Variants in NRXN3 observed in about 807,000 individuals in gnomAD.
The protein encoded by NRXN3 is neurexin 3, also known as neurexin III.
A neutral mutation model predicts 137.6 loss-of-function variants in NRXN3; 32 were observed. The ratio of observed to expected loss-of-function variants is 0.23; its 90% CI spans 0.18 to 0.31. The LOEUF (loss-of-function observed/expected upper bound fraction) is 0.31, where lower values mean the gene tolerates loss of function less well. Ranked by LOEUF, NRXN3 falls within the 10% of genes least tolerant of loss-of-function variation. The pLI, the probability that NRXN3 is intolerant of heterozygous loss-of-function variation, is 1.00. For missense variants in NRXN3, 1,574 were observed against 2,062.5 expected, an observed-to-expected ratio of 0.76 and a Z score of 4.59; for synonymous variants, 798 against 784.5, an observed-to-expected ratio of 1.02 and a Z score of -0.29.
At chr14:79,781,964 C>T (rs2099115300) in intron 19 of NRXN3, among the ~76,000 whole-genome samples, 1 of 152,152 alleles carries the variant, frequency 6.6e-6, no homozygotes, top group African/African-American at 2.4e-5. Context: ...CTTTTAACTG[C>T]CTCGATGTAG....
rs2099132059 is a variant in NRXN3, at chr14:79,787,259, T to C, written c.4015-17853T>C. 2.0e-5 allele frequency among the ~76,000 whole-genome samples: 3 copies of C among 152,218 alleles called. No homozygotes were observed. In the South Asian group the frequency reaches 6.2e-4, roughly 32 times the overall value. ...AACTCCTGTTCTTTTTTTAAAGTTT[T>C]ATTTTTAACTGACAAATTAATAATT... On this transcript the variant is annotated intron_variant, in intron 19 of 20. Transcript: ENST00000335750.
Position 78,988,037 on chromosome 14 carries a change from G to A in NRXN3, c.3158G>A (p.Cys1053Tyr), listed in dbSNP as rs1387777651. 6.2e-7 allele frequency: 1 copy of A among 1,613,566 alleles called. No homozygotes were observed. The highest frequency in any genetic ancestry group is 1.3e-5 in the African/African-American group (1 of 74,844). ...GCATTACTAGGACCCAGTACCACCT[G>A]CCAGGAAGATTCATGTGCCAACCAG... is the stretch of plus-strand genomic sequence containing the variant. Reference protein sequence around the residue: ...ERGCEGPSTTCQEDSCANQGV... With the variant: ...ERGCEGPSTTYQEDSCANQGV... The change falls in exon 15 of 21, where the codon TGC (cysteine) becomes TAC (tyrosine). Residue 1053 changes from cysteine to tyrosine, a missense_variant. This residue lies in a region of NRXN3 where 718 missense variants were observed against 887.6 expected (regional missense o/e 0.81). Coordinates refer to ENST00000335750, the MANE Select transcript of NRXN3 (RefSeq NM_001330195.2).
At position 78,746,212 on chromosome 14, in the gene NRXN3, G is replaced by A. The variant is rs145572405; in HGVS notation, c.2044+31073G>A. On this transcript the variant is annotated intron_variant, in intron 8 of 20. Coordinates refer to ENST00000335750, the MANE Select transcript of NRXN3 (RefSeq NM_001330195.2). The stretch of plus-strand genomic sequence containing the variant: ...AAAGGCTGCTAATGTTCTCTAAGCT[G>A]TAAGTAGATTTTTGCCCACATTTAT... Among the ~76,000 whole-genome samples the A allele has an allele frequency of 5.8e-3, 889 of 152,284 alleles. 12 individuals are homozygous for A. Among genetic ancestry groups the A allele is most frequent in the African/African-American group, 0.019 (787 of 41,568 alleles).
chr14:78,244,284 G>A (rs1402082198), intron 2 of NRXN3, among the ~76,000 whole-genome samples: 1 of 152,112 alleles, frequency 6.6e-6, no homozygotes, highest in Admixed American at 6.5e-5. Context: ...ACAAAAATTA[G>A]CTGGGCATGG....
intron 16 of NRXN3, among the ~76,000 whole-genome samples, chr14:79,652,336 C>T (rs1438408193): frequency 2.0e-5 from 3 of 152,168 alleles, no homozygotes; most frequent in African/African-American, 7.2e-5. Flanking sequence ...AATGTTTGTG[C>T]CCTTTAAATG....
chr14:79,198,543 C>T (rs142142854), intron 15 of NRXN3, among the ~76,000 whole-genome samples: 10 of 152,300 alleles, frequency 6.6e-5, no homozygotes, highest in Non-Finnish European at 1.2e-4. Context: ...ATGTGCATTA[C>T]TCTTAATGCT....
intron 10 of NRXN3, among the ~76,000 whole-genome samples, chr14:78,843,456 A>G (rs1302657183): frequency 6.6e-6 from 1 of 152,170 alleles, no homozygotes; most frequent in Non-Finnish European, 1.5e-5. Flanking sequence ...TTTATTCAAC[A>G]CATATTTATT....
intron 10 of NRXN3, among the ~76,000 whole-genome samples, chr14:78,909,285 G>A (rs2099229319): frequency 6.6e-6 from 1 of 152,184 alleles, no homozygotes; most frequent in African/African-American, 2.4e-5. Context: ...CCAAGAGCAG[G>A]AAGTGGTCCA....
intron 8 of NRXN3, among the ~76,000 whole-genome samples, chr14:78,725,543 C>A (rs1174975688): frequency 2.6e-5 from 4 of 152,242 alleles, no homozygotes; most frequent in Non-Finnish European, 4.4e-5. Context: ...AACCTAGCAT[C>A]TTCAGCCACT....
At position 78,295,621 on chromosome 14, in the gene NRXN3, G is replaced by C. The variant is rs550943172; in HGVS notation, c.728-2210G>C. ...GTAGCTCTCAAGTTCCAGTAAGCAT[G>C]GGAATCACTTGGGCAACTTGTTTAA... On this transcript the variant is annotated intron_variant, in intron 3 of 20. Coordinates refer to ENST00000335750, the MANE Select transcript of NRXN3 (RefSeq NM_001330195.2). Among the ~76,000 whole-genome samples the C allele has an allele frequency of 2.2e-3, 331 of 152,222 alleles. 1 individual carries two copies. The highest frequency in any genetic ancestry group is 3.7e-3 in the Non-Finnish European group (251 of 68,002).
At chr14:78,339,545 A>G (rs147715278) in intron 4 of NRXN3, among the ~76,000 whole-genome samples, 66 of 152,238 alleles carry the variant, frequency 4.3e-4, no homozygotes, top group African/African-American at 1.4e-3. Context: ...GTGAGGAGAA[A>G]AAATAGCTTT....
chr14:79,141,615 T>G (rs1370018615), intron 15 of NRXN3, among the ~76,000 whole-genome samples: 2 of 152,184 alleles, frequency 1.3e-5, no homozygotes, highest in East Asian at 3.9e-4. Flanking sequence ...AGAACTCCAG[T>G]CTTTTAGGCC....
intron 19 of NRXN3, among the ~76,000 whole-genome samples, chr14:79,716,981 T>C (rs757320636): frequency 2.6e-5 from 4 of 152,198 alleles, no homozygotes; most frequent in Non-Finnish European, 5.9e-5. Flanking sequence ...CTTCACTCTT[T>C]AATGGCAGGG....
At chr14:78,663,976 G>T (rs1052582740) in intron 6 of NRXN3, among the ~76,000 whole-genome samples, 1 of 152,196 alleles carries the variant, frequency 6.6e-6, no homozygotes, top group Non-Finnish European at 1.5e-5. Flanking sequence ...TAGTGTTGCG[G>T]TGCTTTTGTA....
chr14:79,672,764 C>T lies in NRXN3; in HGVS notation c.3616+8815C>T, dbSNP rs2098616610. ...ATTACCCTGTACCGTTTTTCCTCTG[C>T]CCCAGAGCTGCCTGAACACCAAGTG... On this transcript the variant is annotated intron_variant, in intron 17 of 20. Coordinates refer to ENST00000335750, the MANE Select transcript of NRXN3 (RefSeq NM_001330195.2). Among the ~76,000 whole-genome samples, 3 of 152,070 alleles carry T rather than the reference C, an allele frequency of 2.0e-5. No individual in the cohort carries two copies. The South Asian group carries it at 6.2e-4, about 32-fold the overall frequency.
chr14:79,696,295 T>C (rs1016855828), intron 18 of NRXN3, among the ~76,000 whole-genome samples: 2 of 151,954 alleles, frequency 1.3e-5, no homozygotes, highest in African/African-American at 4.8e-5. Flanking sequence ...ATAATTTTGT[T>C]AAAAACCCTC....
intron 15 of NRXN3, among the ~76,000 whole-genome samples, chr14:79,231,755 G>A (rs977328703): frequency 4.6e-5 from 7 of 152,112 alleles, no homozygotes; most frequent in African/African-American, 1.7e-4. Flanking sequence ...TTAGAAACAT[G>A]CCTTGATTTG....
intron 19 of NRXN3, among the ~76,000 whole-genome samples, chr14:79,769,202 G>C (rs1352168140): frequency 1.3e-5 from 2 of 148,952 alleles, no homozygotes; most frequent in Non-Finnish European, 3.0e-5. Flanking sequence ...ACACTCTGCA[G>C]GATATTATCC....
At chr14:79,781,457 T>G (rs529659243) in intron 19 of NRXN3, among the ~76,000 whole-genome samples, 2 of 152,358 alleles carry the variant, frequency 1.3e-5, no homozygotes, top group South Asian at 4.1e-4. Context: ...GCAATTAATT[T>G]CAGCATTCAT....
Sources: gnomAD v4.1 joint callset for allele counts (sites outside exome capture counted in the v4.1 genomes callset) on GRCh38, gnomAD v4.1.1 for gene constraint, gnomAD v4.1.1 regional missense constraint, MANE v1.5 for transcripts, NCBI Gene and HGNC (gene_info 2026-07-23, HGNC 2026-07-21) for gene names.